DNAH9: variants seen among roughly 807,000 people sequenced by gnomAD.
The protein encoded by DNAH9 is dynein axonemal heavy chain 9.
A neutral mutation model predicts 471.6 loss-of-function variants in DNAH9; 345 were observed. The ratio of observed to expected loss-of-function variants is 0.73; its 90% CI spans 0.67 to 0.80. The LOEUF (loss-of-function observed/expected upper bound fraction) is 0.80. DNAH9 is among the 30% of genes least tolerant of loss of function. DNAH9 has a pLI of 0.00. For missense variants in DNAH9, 5,407 were observed against 5,609.2 expected (o/e 0.96, Z 1.15); for synonymous variants, 2,093 against 2,123.6 (o/e 0.99, Z 0.40).
intron 67 of DNAH9, among the ~76,000 whole-genome samples, chr17:11,957,988 G>A (rs918548793): frequency 3.3e-5 from 5 of 152,052 alleles, no homozygotes; most frequent in East Asian, 1.9e-4. Flanking sequence ...AGCATTATTC[G>A]TAACTGCCAA....
chr17:11,777,932 G>A (rs933418672), intron 38 of DNAH9, among the ~76,000 whole-genome samples: 3 of 152,134 alleles, frequency 2.0e-5, no homozygotes, highest in African/African-American at 7.2e-5. Flanking sequence ...AATTGAAGGG[G>A]ATGGATGGGG....
At chr17:11,922,377 T>G (rs746581634) in intron 61 of DNAH9, among the ~76,000 whole-genome samples, 1 of 152,210 alleles carries the variant, frequency 6.6e-6, no homozygotes, top group Non-Finnish European at 1.5e-5. Flanking sequence ...GAAAAATCAC[T>G]TAATGATTCC....
At position 11,669,487 on chromosome 17, in the gene DNAH9, C is replaced by A. The variant is rs2150728142; in HGVS notation, c.3046C>A (p.Leu1016Ile). 1 of 1,614,160 alleles carries A rather than the reference C, an allele frequency of 6.2e-7. No individual in the cohort carries two copies. Among genetic ancestry groups the A allele is most frequent in the South Asian group, 1.1e-5 (1 of 91,072 alleles). ...GAGCACCTTCAGCCAGTATTCGTAC[C>A]TCTATGTGGAGGACCGGAAGGAGGT... ...YQSTFSQYSYLYVEDRKEVLG... is the reference protein window; with the variant it reads ...YQSTFSQYSYIYVEDRKEVLG... Residue 1016 changes from leucine (L) to isoleucine (I), a missense_variant, in exon 17 of 69, where the codon CTC becomes ATC. This residue lies in a region of DNAH9 where 4,636 missense variants were observed against 4,900.3 expected (regional missense o/e 0.95). Coordinates refer to ENST00000262442, the MANE Select transcript of DNAH9 (RefSeq NM_001372.4).
intron 53 of DNAH9, among the ~76,000 whole-genome samples, chr17:11,876,032 A>G (rs1972466902): frequency 6.6e-6 from 1 of 152,144 alleles, no homozygotes; most frequent in Admixed American, 6.6e-5. Context: ...CAACTGGTTA[A>G]TAACCAGTAA....
chr17:11,688,102 A>AAAAAAAAAC (rs1358397138), intron 19 of DNAH9, among the ~76,000 whole-genome samples: 1 of 101,400 alleles, frequency 9.9e-6, no homozygotes. Context: ...AAAAAAAAAG[A>AAAAAAAAAC]AAAAGCCATC....
In DNAH9 at chr17:11,762,786, T is replaced by TTG. The variant is rs1567783466; in HGVS notation, c.6996-653_6996-652insGT. 8.8e-5 allele frequency among the ~76,000 whole-genome samples: 12 copies of TTG among 135,720 alleles called. 2 individuals carry two copies. The highest frequency in any genetic ancestry group is 1.1e-4 in the Non-Finnish European group (7 of 62,520). The allele number at this position is 135,720 out of a possible 152,430, so 89.0% of individuals were successfully genotyped here. On this transcript the variant is annotated intron_variant, in intron 35 of 68. Transcript: ENST00000262442. ...TTTTTTTTTGTTTTTTTTTTTTTTT[T>TTG]TTTTTTTTTTTGAGATGGAGTCTCA...
At chr17:11,745,576 A>G (rs539800194) in intron 31 of DNAH9, among the ~76,000 whole-genome samples, 1 of 152,356 alleles carries the variant, frequency 6.6e-6, no homozygotes, top group East Asian at 1.9e-4. Context: ...CGCAAGATAA[A>G]GACAGATGGA....
intron 22 of DNAH9, among the ~76,000 whole-genome samples, chr17:11,695,642 G>T (rs2074462906): frequency 6.6e-6 from 1 of 152,204 alleles, no homozygotes; most frequent in South Asian, 2.1e-4. Context: ...TGGAGCTACA[G>T]ACACTGGTTC....
At chr17:11,953,421 C>G (rs371025825) in intron 67 of DNAH9, among the ~76,000 whole-genome samples, 10 of 152,168 alleles carry the variant, frequency 6.6e-5, no homozygotes, top group African/African-American at 2.2e-4. Context: ...TTCTGATTCT[C>G]ATTCACAAAT....
In DNAH9 at chr17:11,880,569, T is replaced by C. The variant is rs79790942; in HGVS notation, c.10601+369T>C. On this transcript the variant is annotated intron_variant, in intron 54 of 68. Transcript: ENST00000262442. ...TTCTGACAACTCGGTTCCTTGTCAA[T>C]TTAATGAGTCTCTGCTGCTTTGAGT... Among the ~76,000 whole-genome samples, 742 of 152,266 alleles carry C rather than the reference T, an allele frequency of 4.9e-3. 6 individuals are homozygous for C. The highest frequency in any genetic ancestry group is 0.017 in the African/African-American group (715 of 41,556).
At chr17:11,721,531 A>G (rs2075059067) in intron 27 of DNAH9, among the ~76,000 whole-genome samples, 1 of 152,086 alleles carries the variant, frequency 6.6e-6, no homozygotes, top group African/African-American at 2.4e-5. Context: ...AACACTCGCA[A>G]TCCAATTAAT....
At chr17:11,708,014 C>CACACACAGAG (rs1695492180) in intron 26 of DNAH9, among the ~76,000 whole-genome samples, 6 of 52,154 alleles carry the variant, frequency 1.2e-4, no homozygotes, top group African/African-American at 4.3e-4. Context: ...CACACACACA[C>CACACACAGAG]AGAGAGAGAG....
In DNAH9 at chr17:11,938,468, AAC is replaced by A. The variant is rs1491025625; in HGVS notation, c.12660+948_12660+949del. 5.3e-4 allele frequency among the ~76,000 whole-genome samples: 79 copies of A among 149,716 alleles called. 3 individuals carry two copies. Among genetic ancestry groups the A allele is most frequent in the East Asian group, 7.8e-4 (4 of 5,156 alleles). Reference sequence around the variant, plus strand: ...GCAAGACTGTCTCCAAAAAAAAAAAAACAAAAAAAGAATGGGCCACCAAAGGG... The same window carrying A: ...GCAAGACTGTCTCCAAAAAAAAAAAAAAAAAAAGAATGGGCCACCAAAGGG... On this transcript the variant is annotated intron_variant, in intron 66 of 68. Transcript: ENST00000262442.
At chr17:11,876,869 G>A (rs1022486336) in intron 53 of DNAH9, among the ~76,000 whole-genome samples, 8 of 151,900 alleles carry the variant, frequency 5.3e-5, no homozygotes, top group Admixed American at 1.3e-4. Flanking sequence ...GACTACAGGC[G>A]CCCACCACCA....
At chr17:11,761,715 G>T (rs1967675720) in intron 35 of DNAH9, among the ~76,000 whole-genome samples, 1 of 152,060 alleles carries the variant, frequency 6.6e-6, no homozygotes, top group Non-Finnish European at 1.5e-5. Context: ...TTCCAGGCAA[G>T]AGTCCTTCAC....
rs749080531 is a variant in DNAH9, at chr17:11,783,799, G to A, written c.7821+51G>A. 7 of 1,422,472 alleles carry A rather than the reference G, an allele frequency of 4.9e-6. No individual in the cohort carries two copies. The Admixed American group carries it at 5.2e-5, about 11-fold the overall frequency. 88.1% of individuals were successfully genotyped at this position (1,422,472 alleles called of 1,614,324 possible). ...GTCCTAATCCTATCTTACTAGAGCT[G>A]ATGCCCCTTGATTATAAGTATAATA... is the stretch of plus-strand genomic sequence containing the variant. On this transcript the variant is annotated intron_variant, in intron 40 of 68. Coordinates refer to ENST00000262442, the MANE Select transcript of DNAH9 (RefSeq NM_001372.4).
chr17:11,801,583 C>T (rs916655029), intron 43 of DNAH9, among the ~76,000 whole-genome samples: 1 of 152,054 alleles, frequency 6.6e-6, no homozygotes, highest in African/African-American at 2.4e-5. Flanking sequence ...CCCAGATACT[C>T]GGGAGGCTGA....
At position 11,598,748 on chromosome 17, in the gene DNAH9, C is replaced by G; in HGVS notation, c.250C>G (p.Arg84Gly). ...GCCCGGGCCCAGGGGCCTGGCAATA[C>G]GCCCCGGGCTGGAGGTGGGACCTGA... ...VRPGPRGLAI[R>G]PGLEVGPESG... is the part of the protein sequence containing the mutation. Residue 84 changes from arginine to glycine, a missense_variant, in exon 1 of 69, where the codon CGC becomes GGC. Arg to Gly is a moderately radical substitution (Grantham distance 125). Transcript: ENST00000262442. 1 of 1,417,830 alleles carries G rather than the reference C, an allele frequency of 7.1e-7. No homozygotes were observed. The highest frequency in any genetic ancestry group is 1.5e-5 in the South Asian group (1 of 68,780). 87.8% of individuals were successfully genotyped at this position (1,417,830 alleles called of 1,614,324 possible).
intron 11 of DNAH9, among the ~76,000 whole-genome samples, chr17:11,645,166 G>A (rs1179094470): frequency 6.6e-6 from 1 of 152,198 alleles, no homozygotes; most frequent in Non-Finnish European, 1.5e-5. Flanking sequence ...CCAGGGCTTA[G>A]GGTCTAGAAA....
Sources: allele counts gnomAD v4.1 joint callset (sites outside exome capture counted in the v4.1 genomes callset), GRCh38; gene constraint gnomAD v4.1.1; regional missense constraint gnomAD v4.1.1; transcripts MANE v1.5; gene names NCBI Gene and HGNC (gene_info 2026-07-23, HGNC 2026-07-21).